Variants in TRANK1 observed in about 807,000 individuals in gnomAD.
TRANK1 encodes the protein TPR and ankyrin repeat-containing protein 1.
TRANK1 carries 198 observed loss-of-function variants against 266.0 expected under a neutral mutation model. That is an observed-to-expected ratio of 0.74 (90% CI 0.66 to 0.84). The LOEUF (loss-of-function observed/expected upper bound fraction) is 0.84. Ranked by LOEUF, TRANK1 falls within the 40% of genes least tolerant of loss-of-function variation. The pLI is 0.00. For missense variants in TRANK1, 3,326 were observed against 3,634.6 expected, an observed-to-expected ratio of 0.92 and a Z score of 2.18; for synonymous variants, 1,396 against 1,384.1, an observed-to-expected ratio of 1.01 and a Z score of -0.19.
intron 17 of TRANK1, among the ~76,000 whole-genome samples, chr3:36,844,394 T>C (rs962435747): frequency 6.6e-6 from 1 of 152,082 alleles, no homozygotes; most frequent in African/African-American, 2.4e-5. Flanking sequence ...ACCGGGCTAA[T>C]TTTTGTATTT....
intron 1 of TRANK1, among the ~76,000 whole-genome samples, chr3:36,912,720 T>C (rs965760161): frequency 6.6e-6 from 1 of 152,102 alleles, no homozygotes; most frequent in East Asian, 1.9e-4. Context: ...CGTATACACA[T>C]GAAGTTCTGT....
intron 5 of TRANK1, among the ~76,000 whole-genome samples, chr3:36,893,518 G>A (rs2079741404): frequency 6.6e-6 from 1 of 152,102 alleles, no homozygotes; most frequent in African/African-American, 2.4e-5. Flanking sequence ...CATATTAGTA[G>A]CTGGAAATTG....
intron 1 of TRANK1, among the ~76,000 whole-genome samples, chr3:36,914,269 G>A (rs2080094536): frequency 6.6e-6 from 1 of 151,902 alleles, no homozygotes; most frequent in South Asian, 2.1e-4. Context: ...AAGTAGCTGG[G>A]ATTACAGGCG....
chr3:36,921,725 G>A (rs1057273863), intron 1 of TRANK1, among the ~76,000 whole-genome samples: 1 of 152,186 alleles, frequency 6.6e-6, no homozygotes, highest in African/African-American at 2.4e-5. Context: ...ATAAGTATGT[G>A]GCTCTATAAT....
Position 36,899,088 on chromosome 3 carries a change from G to C in TRANK1, c.433+21C>G, listed in dbSNP as rs2079836896. 3 of 1,536,156 alleles carry C rather than the reference G, an allele frequency of 2.0e-6. No individual in the cohort carries two copies. The East Asian group carries it at 7.3e-5, about 38-fold the overall frequency. ...TAAAATAGCAAGGACTTTACAAAAA[G>C]TCTCCCCAGTTCCAACTTACTGCTC... On this transcript the variant is annotated intron_variant, in intron 4 of 23. Coordinates refer to ENST00000645898, the MANE Select transcript of TRANK1 (RefSeq NM_001329998.2).
At chr3:36,880,898 A>G (rs1276776160) in intron 8 of TRANK1, among the ~76,000 whole-genome samples, 1 of 33,102 alleles carries the variant, frequency 3.0e-5, no homozygotes, top group East Asian at 1.3e-3. Flanking sequence ...CCCTCCCCCC[A>G]CCCCACAACA....
chr3:36,871,839 C>A (rs973059820), intron 9 of TRANK1, among the ~76,000 whole-genome samples: 4 of 152,166 alleles, frequency 2.6e-5, no homozygotes, highest in African/African-American at 9.7e-5. Flanking sequence ...TCACATAAAA[C>A]TTTTCTCACT....
chr3:36,846,930 A>C (rs1216513145), intron 16 of TRANK1, among the ~76,000 whole-genome samples: 1 of 152,150 alleles, frequency 6.6e-6, no homozygotes, highest in Non-Finnish European at 1.5e-5. Flanking sequence ...AAAATTTCTG[A>C]ACAAAGCTGA....
chr3:36,854,502 T>G (rs2079025295), intron 13 of TRANK1, among the ~76,000 whole-genome samples: 1 of 152,228 alleles, frequency 6.6e-6, no homozygotes, highest in Non-Finnish European at 1.5e-5. Flanking sequence ...TTCACAGATA[T>G]TTGTCGGCCA....
intron 1 of TRANK1, among the ~76,000 whole-genome samples, chr3:36,909,460 G>A (rs2080021036): frequency 6.6e-6 from 1 of 152,146 alleles, no homozygotes; most frequent in African/African-American, 2.4e-5. Context: ...GGGAAAAGGT[G>A]GGGGTCAGAG....
chr3:36,833,978 C>T, intron 21 of TRANK1, 59 bp from the exon 22 acceptor site: 1 of 1,505,364 alleles, frequency 6.6e-7, no homozygotes, highest in Non-Finnish European at 8.8e-7. Context: ...AGAAAATTTC[C>T]TCCAAAATAC....
chr3:36,897,121 G>A (rs2079804325), intron 4 of TRANK1, among the ~76,000 whole-genome samples: 1 of 152,048 alleles, frequency 6.6e-6, no homozygotes, highest in Non-Finnish European at 1.5e-5. Flanking sequence ...GGCTAACATA[G>A]TGAAACTCCA....
At chr3:36,836,724 C>T (rs2078775404) in intron 20 of TRANK1, among the ~76,000 whole-genome samples, 1 of 152,208 alleles carries the variant, frequency 6.6e-6, no homozygotes, top group Non-Finnish European at 1.5e-5. Context: ...CCATCCAGTT[C>T]ACCAGCTAAT....
intron 9 of TRANK1, among the ~76,000 whole-genome samples, chr3:36,866,108 G>GAAAGAA (rs1311412063): frequency 6.7e-6 from 1 of 150,294 alleles, no homozygotes; most frequent in South Asian, 2.1e-4. Context: ...AAGAAAGAAA[G>GAAAGAA]AAAGAAAGAG....
chr3:36,865,687 C>T (rs1189558562), intron 9 of TRANK1, among the ~76,000 whole-genome samples: 2 of 152,012 alleles, frequency 1.3e-5, no homozygotes, highest in African/African-American at 2.4e-5. Context: ...GCCTGAGCAA[C>T]ATGGCAAAAC....
In TRANK1 at chr3:36,833,927, G is replaced by A; in HGVS notation, c.5664-8C>T. 6.3e-7 allele frequency: 1 copy of A among 1,586,272 alleles called. No individual in the cohort carries two copies. The highest frequency in any genetic ancestry group is 8.6e-7 in the Non-Finnish European group (1 of 1,169,568). ...TTTAGCATTTCTTCATACCTGCAAA[G>A]ACAAAGGACACAAATGTCAACTTGC... is the stretch of plus-strand genomic sequence containing the variant. On this transcript the variant is annotated splice_region_variant and splice_polypyrimidine_tract_variant and intron_variant, in intron 21 of 23. Transcript: ENST00000645898.
intron 18 of TRANK1, among the ~76,000 whole-genome samples, chr3:36,841,242 C>T (rs750841028): frequency 2.6e-5 from 4 of 152,176 alleles, no homozygotes; most frequent in Non-Finnish European, 5.9e-5. Context: ...AACATTTGTT[C>T]CAAAGCGGCA....
chr3:36,941,360 C>A (rs2080494093), intron 1 of TRANK1, among the ~76,000 whole-genome samples: 1 of 152,206 alleles, frequency 6.6e-6, no homozygotes, highest in Admixed American at 6.5e-5. Flanking sequence ...ACCAGCCCAC[C>A]AGGCTCACAG....
At chr3:36,852,637 AAATGT>A (rs2125537503) in intron 13 of TRANK1, among the ~76,000 whole-genome samples, 2 of 152,108 alleles carry the variant, frequency 1.3e-5, no homozygotes, top group Non-Finnish European at 2.9e-5. Context: ...GTCAAGGCAA[AAATGT>A]AATATAAACA....
Sources: allele counts gnomAD v4.1 joint callset (sites outside exome capture counted in the v4.1 genomes callset), GRCh38; gene constraint gnomAD v4.1.1; transcripts MANE v1.5; gene names NCBI Gene and HGNC (gene_info 2026-07-23, HGNC 2026-07-21).